Variants in CNRIP1 observed in about 807,000 individuals in gnomAD.
CNRIP1 encodes the protein cannabinoid receptor interacting protein 1.
In CNRIP1, 10 loss-of-function variants were observed where a neutral mutation model predicts 15.2. The observed-to-expected ratio is 0.66, with a 90% CI of 0.41 to 1.12. CNRIP1 has a LOEUF of 1.12. CNRIP1 is among the 50% of genes most tolerant of loss of function. The pLI, the probability that CNRIP1 is intolerant of heterozygous loss-of-function variation, is 0.00. For synonymous variants in CNRIP1, 91 were observed against 83.2 expected, an observed-to-expected ratio of 1.09 and a Z score of -0.51; for missense variants, 211 against 214.7, an observed-to-expected ratio of 0.98 and a Z score of 0.11.
chr2:68,318,853 C>A (rs3796057), intron 1 of CNRIP1, among the ~76,000 whole-genome samples: 1 of 152,134 alleles, frequency 6.6e-6, no homozygotes, highest in Non-Finnish European at 1.5e-5. Flanking sequence ...ATTGCGGTGG[C>A]TGAACCCTGC....
intron 2 of CNRIP1, among the ~76,000 whole-genome samples, chr2:68,310,594 C>A (rs563671876): frequency 2.0e-5 from 3 of 152,044 alleles, no homozygotes; most frequent in Non-Finnish European, 4.4e-5. Context: ...ATACAAAAAA[C>A]CAGTAATACC....
intron 2 of CNRIP1, among the ~76,000 whole-genome samples, chr2:68,301,768 T>G (rs1671614319): frequency 6.6e-6 from 1 of 151,944 alleles, no homozygotes; most frequent in Non-Finnish European, 1.5e-5. Flanking sequence ...GGCAGGCACC[T>G]GTAGTCCCAG....
intron 2 of CNRIP1, among the ~76,000 whole-genome samples, chr2:68,309,896 A>C (rs758786243): frequency 6.6e-6 from 1 of 152,250 alleles, no homozygotes; most frequent in African/African-American, 2.4e-5. Context: ...ACCAGCAAAA[A>C]GTCAATCCTT....
intron 2 of CNRIP1, among the ~76,000 whole-genome samples, chr2:68,296,087 T>A (rs754010106): frequency 1.3e-5 from 2 of 152,210 alleles, no homozygotes; most frequent in East Asian, 3.9e-4. Flanking sequence ...AAGTTTAGAG[T>A]AGTAAACAAT....
At chr2:68,317,369 T>G (rs1672314774) in intron 1 of CNRIP1, 62 bp from the exon 2 acceptor site, 2 of 1,573,028 alleles carry the variant, frequency 1.3e-6, no homozygotes, top group Admixed American at 1.7e-5. Flanking sequence ...TGTCCTGTTT[T>G]GGACCAAAAC....
chr2:68,295,805 T>C lies in CNRIP1; in HGVS notation c.331-1779A>G, dbSNP rs529187231. 2.6e-5 allele frequency among the ~76,000 whole-genome samples: 4 copies of C among 152,294 alleles called. No homozygotes were observed. In the South Asian group the frequency reaches 8.3e-4, roughly 32 times the overall value. On this transcript the variant is annotated intron_variant, in intron 2 of 2. Coordinates refer to ENST00000263655, the MANE Select transcript of CNRIP1 (RefSeq NM_015463.3). ...TGATGGAAGCATTCTGTATCTTGAT[T>C]GGGATGGTGGTTACATGGCTGTACA...
At chr2:68,303,304 G>A (rs1178214590) in intron 2 of CNRIP1, among the ~76,000 whole-genome samples, 2 of 152,084 alleles carry the variant, frequency 1.3e-5, no homozygotes, top group Admixed American at 6.6e-5. Flanking sequence ...GGTCTTAGAG[G>A]GCTAATAAGC....
intron 2 of CNRIP1, among the ~76,000 whole-genome samples, chr2:68,307,709 G>T (rs1250583225): frequency 6.6e-6 from 1 of 152,104 alleles, no homozygotes; most frequent in African/African-American, 2.4e-5. Context: ...TGTTAGATAT[G>T]TCAGTTGCCC....
At chr2:68,306,321 C>CAAAAA (rs35066190) in intron 2 of CNRIP1, among the ~76,000 whole-genome samples, 3 of 85,746 alleles carry the variant, frequency 3.5e-5, no homozygotes, top group African/African-American at 8.6e-5. Context: ...GATCCTATCT[C>CAAAAA]AAAAAAAAAA....
rs561577933 is a variant in CNRIP1 at position 68,305,566 on chromosome 2, C to T, written c.331-11540G>A. Among the ~76,000 whole-genome samples, 54 of 151,572 alleles carry T rather than the reference C, an allele frequency of 3.6e-4. No individual in the cohort carries two copies. The South Asian group carries it at 0.01, about 29-fold the overall frequency. On this transcript the variant is annotated intron_variant, in intron 2 of 2. Transcript: ENST00000263655. ...ATCCCAGCACTTTGGGAGGCCAAGG[C>T]GGGCAGTTCACGAGGTCAGGAGATT...
chr2:68,312,591 T>C (rs868686711), intron 2 of CNRIP1, among the ~76,000 whole-genome samples: 2 of 152,182 alleles, frequency 1.3e-5, no homozygotes, highest in African/African-American at 4.8e-5. Flanking sequence ...TTTAGCAGCA[T>C]ACTGCGAAGG....
chr2:68,288,351 A>C (rs749206862), downstream of CNRIP1, among the ~76,000 whole-genome samples: 2 of 152,120 alleles, frequency 1.3e-5, no homozygotes, highest in Non-Finnish European at 2.9e-5. Flanking sequence ...AAGGTAGGAA[A>C]TGGAGTAGGG....
chr2:68,301,360 A>G (rs531471963), intron 2 of CNRIP1, among the ~76,000 whole-genome samples: 1 of 152,200 alleles, frequency 6.6e-6, no homozygotes, highest in African/African-American at 2.4e-5. Flanking sequence ...TCAGCAAAGG[A>G]AAGTTTTTCA....
At chr2:68,290,629 T>C (rs1384874014), downstream of CNRIP1, among the ~76,000 whole-genome samples, 2 of 152,208 alleles carry the variant, frequency 1.3e-5, no homozygotes, top group East Asian at 1.9e-4. Context: ...CTACTTCCAA[T>C]TTCATAAGAG....
chr2:68,315,571 A>T (rs1054205445), intron 2 of CNRIP1, among the ~76,000 whole-genome samples: 4 of 147,594 alleles, frequency 2.7e-5, no homozygotes, highest in African/African-American at 1.0e-4. Context: ...ATAAAATACA[A>T]TACCCATACA....
At chr2:68,302,186 AT>A (rs1360080451) in intron 2 of CNRIP1, among the ~76,000 whole-genome samples, 1 of 152,070 alleles carries the variant, frequency 6.6e-6, no homozygotes, top group Non-Finnish European at 1.5e-5. Flanking sequence ...ACATCTTATG[AT>A]TATCTCTTAC....
At chr2:68,312,781 G>T (rs540278595) in intron 2 of CNRIP1, among the ~76,000 whole-genome samples, 6 of 151,922 alleles carry the variant, frequency 3.9e-5, no homozygotes, top group Non-Finnish European at 8.8e-5. Flanking sequence ...AAAAAAAATC[G>T]ATTTTATTTC....
intron 2 of CNRIP1, among the ~76,000 whole-genome samples, chr2:68,296,415 G>A (rs970386190): frequency 6.6e-6 from 1 of 152,006 alleles, no homozygotes; most frequent in African/African-American, 2.4e-5. Flanking sequence ...AATTAGCTGG[G>A]TGTGGTGGCA....
intron 2 of CNRIP1, among the ~76,000 whole-genome samples, chr2:68,309,720 T>G (rs1672002520): frequency 6.6e-6 from 1 of 152,152 alleles, no homozygotes; most frequent in Non-Finnish European, 1.5e-5. Flanking sequence ...GCATCAGGAC[T>G]GGCAGAGAAG....
Sources: allele counts gnomAD v4.1 joint callset (sites outside exome capture counted in the v4.1 genomes callset), GRCh38; gene constraint gnomAD v4.1.1; transcripts MANE v1.5; gene names NCBI Gene and HGNC (gene_info 2026-07-23, HGNC 2026-07-21).